Variants in SCN7A observed in about 807,000 individuals in gnomAD.
The protein encoded by SCN7A is sodium voltage-gated channel alpha subunit 7.
In SCN7A, 138 loss-of-function variants were observed where a neutral mutation model predicts 155.2. The observed-to-expected ratio is 0.89, with a 90% confidence interval of 0.77 to 1.02. The LOEUF (loss-of-function observed/expected upper bound fraction) is 1.02. Among genes scored for constraint, SCN7A ranks in the 50% least tolerant of loss-of-function variants. SCN7A has a pLI of 0.00. For missense variants in SCN7A, 2,058 were observed against 1,986.6 expected, an observed-to-expected ratio of 1.04 and a Z score of -0.68; for synonymous variants, 693 against 649.0, an observed-to-expected ratio of 1.07 and a Z score of -1.03.
intron 21 of SCN7A, among the ~76,000 whole-genome samples, chr2:166,414,068 TATATATGTAA>T (rs71932630): frequency 0.25 from 18,116 of 72,268 alleles, 3,562 homozygotes; most frequent in Non-Finnish European, 0.33. Context: ...AAAAATATAT[TATATATGTAA>T]ATATATGTAA....
chr2:166,470,043 T>G (rs1053587985), intron 7 of SCN7A, among the ~76,000 whole-genome samples: 4 of 151,848 alleles, frequency 2.6e-5, no homozygotes, highest in Non-Finnish European at 5.9e-5. Context: ...AATAACAAAC[T>G]AGAAGGTGTT....
chr2:166,410,473 TCTGA>T (rs1177151592), intron 23 of SCN7A, 149 bp from the exon 24 acceptor site: 2 of 580,970 alleles, frequency 3.4e-6, no homozygotes, highest in Admixed American at 3.4e-5. Context: ...TTTGAACATG[TCTGA>T]CTTTCTGCCC....
In SCN7A at chr2:166,416,905, A is replaced by T; in HGVS notation, c.3216T>A (p.Phe1072Leu). Residue 1072 changes from phenylalanine to leucine, a missense_variant, in exon 21 of 26, where the codon TTT becomes TTA. Phe to Leu is a conservative substitution (Grantham distance 22, BLOSUM62 0). Coordinates refer to ENST00000643258, the MANE Select transcript of SCN7A (RefSeq NM_002976.4). Reference sequence around the variant, plus strand: ...CAAATAAGTCTACTCCCATGATACTAAAAATCAGCCAGATCATCAGGCAGA... The same window carrying T: ...CAAATAAGTCTACTCCCATGATACTTAAAATCAGCCAGATCATCAGGCAGA... The part of the protein sequence containing the change: ...FLVCLMIWLI[F>L]SIMGVDLFAG... 6.2e-7 allele frequency: 1 copy of T among 1,613,046 alleles called. No homozygotes were observed. Among genetic ancestry groups the T allele is most frequent in the South Asian group, 1.1e-5 (1 of 90,900 alleles).
At chr2:166,469,256 T>C (rs1377931473) in intron 7 of SCN7A, among the ~76,000 whole-genome samples, 1 of 151,726 alleles carries the variant, frequency 6.6e-6, no homozygotes, top group Middle Eastern at 3.2e-3. Context: ...AGTGTGCTTG[T>C]TTGATGCACT....
intron 15 of SCN7A, among the ~76,000 whole-genome samples, chr2:166,439,867 G>C (rs1701920588): frequency 6.6e-6 from 1 of 152,114 alleles, no homozygotes; most frequent in Non-Finnish European, 1.5e-5. Context: ...TGTATGACAA[G>C]GGTCTTCTCA....
intron 18 of SCN7A, among the ~76,000 whole-genome samples, chr2:166,425,086 T>G (rs947238821): frequency 2.0e-5 from 3 of 152,100 alleles, no homozygotes; most frequent in Non-Finnish European, 4.4e-5. Context: ...AGCTCCCTTT[T>G]GTCACTCAAG....
chr2:166,433,752 G>C (rs1050572611), intron 15 of SCN7A, among the ~76,000 whole-genome samples: 6 of 151,980 alleles, frequency 3.9e-5, no homozygotes, highest in Non-Finnish European at 7.4e-5. Flanking sequence ...AGCTACCCAG[G>C]GTCCTGCATA....
rs1423027108 is a variant in SCN7A at position 166,432,862 on chromosome 2, C to A, written c.2158-110G>T. ...GAACATTTAATATCTACTCTGTTAG[C>A]ATTTTTCAAGAATACAATATATTGT... is the stretch of plus-strand genomic sequence containing the variant. On this transcript the variant is annotated intron_variant, in intron 15 of 25. Coordinates refer to ENST00000643258, the MANE Select transcript of SCN7A (RefSeq NM_002976.4). 46 of 727,542 alleles carry A rather than the reference C, an allele frequency of 6.3e-5. 1 individual carries two copies. The highest frequency in any genetic ancestry group is 4.7e-4 in the South Asian group (22 of 46,680). 45.1% of individuals were successfully genotyped at this position (727,542 alleles called of 1,614,324 possible).
Position 166,441,639 on chromosome 2 carries a change from G to A in SCN7A, c.1914C>T (p.Ile638=). 1 of 1,613,868 alleles carries A rather than the reference G, an allele frequency of 6.2e-7. No individual in the cohort carries two copies. The highest frequency in any genetic ancestry group is 8.5e-7 in the Non-Finnish European group (1 of 1,179,816). The change falls in exon 15 of 26, where the codon ATC becomes ATT. Residue 638 remains isoleucine, a synonymous_variant. Coordinates refer to ENST00000643258, the MANE Select transcript of SCN7A (RefSeq NM_002976.4). ...TCATGCCGAATGCAGCAGAAAAGAA[G>A]ATGAATGTGAACAACAACAGGACCA... is the stretch of plus-strand genomic sequence containing the variant. ...KDLVLLLFTF[I]FFSAAFGMKL... is the part of the protein sequence containing the mutation.
intron 20 of SCN7A, among the ~76,000 whole-genome samples, chr2:166,417,880 C>T (rs187192217): frequency 6.6e-6 from 1 of 151,512 alleles, no homozygotes; most frequent in African/African-American, 2.4e-5. Flanking sequence ...GTGAGTCACT[C>T]CAGAGTATGA....
intron 2 of SCN7A, among the ~76,000 whole-genome samples, chr2:166,479,534 G>A (rs1330086597): frequency 6.6e-6 from 1 of 152,010 alleles, no homozygotes; most frequent in Non-Finnish European, 1.5e-5. Context: ...TCTGGGTTTT[G>A]CTTTGCTTTT....
At chr2:166,436,539 T>C (rs553553188) in intron 15 of SCN7A, 5 of 215,904 alleles carry the variant, frequency 2.3e-5, no homozygotes, top group African/African-American at 2.3e-5. Context: ...ATACAGTAAA[T>C]TGATACTGCA....
intron 7 of SCN7A, among the ~76,000 whole-genome samples, chr2:166,469,131 T>C (rs551630960): frequency 2.0e-5 from 3 of 151,734 alleles, no homozygotes; most frequent in East Asian, 3.9e-4. Context: ...CTGGTCTGTT[T>C]TCAGGATCAC....
rs368248192 is a variant in SCN7A at position 166,462,477 on chromosome 2, C to A, written c.995G>T (p.Gly332Val). ...GCCAAAACTGTCAAAATTTGTGAAG[C>A]CTTGATCAGGATTTATGCCAGCTTT... The part of the protein sequence containing the change: ...CVKAGINPDQ[G>V]FTNFDSFGWA... Residue 332 changes from glycine (G) to valine (V), a missense_variant, in exon 10 of 26, where the codon GGC becomes GTC. Transcript: ENST00000643258. 1.9e-6 allele frequency: 3 copies of A among 1,613,610 alleles called. No individual in the cohort carries two copies. The highest frequency in any genetic ancestry group is 1.7e-6 in the Non-Finnish European group (2 of 1,179,804).
chr2:166,416,229 C>T (rs1191372622), intron 21 of SCN7A, among the ~76,000 whole-genome samples: 2 of 152,078 alleles, frequency 1.3e-5, no homozygotes, highest in Non-Finnish European at 2.9e-5. Context: ...ACAATATGTG[C>T]ACCACTGAAC....
intron 2 of SCN7A, among the ~76,000 whole-genome samples, chr2:166,480,536 T>C (rs1702902200): frequency 6.6e-6 from 1 of 151,506 alleles, no homozygotes; most frequent in Non-Finnish European, 1.5e-5. Flanking sequence ...TCCTTGAATA[T>C]ATATTAAATA....
At chr2:166,477,973 T>G (rs1425145536) in intron 2 of SCN7A, among the ~76,000 whole-genome samples, 3 of 151,942 alleles carry the variant, frequency 2.0e-5, no homozygotes, top group Non-Finnish European at 2.9e-5. Context: ...ACTTCTCCAT[T>G]ATAATAAAAG....
intron 15 of SCN7A, among the ~76,000 whole-genome samples, chr2:166,435,587 G>A (rs929523633): frequency 6.6e-6 from 1 of 151,968 alleles, no homozygotes; most frequent in Non-Finnish European, 1.5e-5. Flanking sequence ...ATTTAAGTAA[G>A]TACTTTCTGA....
At chr2:166,471,376 T>C (rs902601598) in intron 6 of SCN7A, among the ~76,000 whole-genome samples, 1 of 151,782 alleles carries the variant, frequency 6.6e-6, no homozygotes, top group African/African-American at 2.4e-5. Context: ...GTGAAGTACA[T>C]AGAAGAGCAC....
Sources: gnomAD v4.1 joint callset for allele counts (sites outside exome capture counted in the v4.1 genomes callset) on GRCh38, gnomAD v4.1.1 for gene constraint, MANE v1.5 for transcripts, NCBI Gene and HGNC (gene_info 2026-07-23, HGNC 2026-07-21) for gene names.